Variants in TACC1 observed in about 807,000 individuals in gnomAD.
TACC1 encodes the protein transforming acidic coiled-coil-containing protein 1.
Under a neutral mutation model 84.4 loss-of-function variants are expected in TACC1, and 48 were observed. That is an observed-to-expected ratio of 0.57 (90% confidence interval 0.45 to 0.72). The LOEUF (loss-of-function observed/expected upper bound fraction) is 0.72, where lower values mean the gene tolerates loss of function less well. Among genes scored for constraint, TACC1 ranks in the 30% least tolerant of loss-of-function variants. The probability of loss-of-function intolerance (pLI) is 0.00; values close to 1 mark genes in which losing one functional copy is unlikely to be tolerated. For synonymous variants in TACC1, 372 were observed against 376.3 expected, an observed-to-expected ratio of 0.99 and a Z score of 0.13; for missense variants, 920 against 973.0, an observed-to-expected ratio of 0.95 and a Z score of 0.72.
chr8:38,761,440 A>G (rs1417946613), intron 3 of TACC1, among the ~76,000 whole-genome samples: 2 of 152,212 alleles, frequency 1.3e-5, no homozygotes, highest in African/African-American at 2.4e-5. Flanking sequence ...TGACGTCTTC[A>G]TTGATTTTGC....
intron 5 of TACC1, 25 bp downstream of exon 5, chr8:38,827,400 C>T: frequency 6.2e-7 from 1 of 1,610,304 alleles, no homozygotes; most frequent in South Asian, 1.1e-5. Flanking sequence ...CTTCATCTTT[C>T]TAATGTACAT....
chr8:38,794,968 T>G (rs1819627233), intron 2 of TACC1, among the ~76,000 whole-genome samples: 2 of 152,200 alleles, frequency 1.3e-5, no homozygotes, highest in East Asian at 1.9e-4. Context: ...ACTGTATAAT[T>G]CCATGTTAAG....
At chr8:38,785,614 G>A (rs774965205), upstream of TACC1, 18 of 815,336 alleles carry the variant, frequency 2.2e-5, no homozygotes, top group Non-Finnish European at 2.4e-5. Context: ...AACTATTCAG[G>A]AGGAAGAACA....
Position 38,827,217 on chromosome 8 carries a change from G to A in TACC1, c.1502G>A (p.Gly501Asp). Reference sequence around the variant, plus strand: ...ATTTCAGACATTTCTAATAGGGATGGCCATGCTACTGATGAGGAGAAACTG... The same window carrying A: ...ATTTCAGACATTTCTAATAGGGATGACCATGCTACTGATGAGGAGAAACTG... Reference protein sequence around the residue: ...SQISDISNRDGHATDEEKLAS... With the variant: ...SQISDISNRDDHATDEEKLAS... The change falls in exon 5 of 13, where the codon GGC (glycine) becomes GAC (aspartate). Residue 501 changes from glycine (G) to aspartate (D), a missense_variant. Physicochemically the swap from Gly to Asp is moderately conservative, Grantham distance 94. Around this residue, in one of 2 missense-constraint regions of TACC1, gnomAD observed 762 missense variants for 747.3 expected, o/e 1.02. Transcript: ENST00000317827. The A allele has an allele frequency of 6.2e-7, 1 of 1,614,130 alleles. No homozygotes were observed. The highest frequency in any genetic ancestry group is 8.5e-7 in the Non-Finnish European group (1 of 1,180,032).
chr8:38,762,676 C>A (rs1180362313), intron 3 of TACC1, among the ~76,000 whole-genome samples: 1 of 152,028 alleles, frequency 6.6e-6, no homozygotes, highest in Non-Finnish European at 1.5e-5. Context: ...TCTGCCTCAG[C>A]CTCCCTAGTA....
chr8:38,749,816 G>A (rs555805395), intron 3 of TACC1, among the ~76,000 whole-genome samples: 35 of 151,978 alleles, frequency 2.3e-4, no homozygotes, highest in Admixed American at 2.2e-3. Flanking sequence ...GGTCTCGAAC[G>A]CCTGACCTCA....
Position 38,820,399 on chromosome 8 carries a change from T to G in TACC1, c.1155T>G (p.Asp385Glu). The G allele has an allele frequency of 6.2e-7, 1 of 1,614,076 alleles. No individual in the cohort carries two copies. Among genetic ancestry groups the G allele is most frequent in the Non-Finnish European group, 8.5e-7 (1 of 1,180,010 alleles). ...GPLSQTSSKPDPSQWESPSFN... is the reference protein window; with the variant it reads ...GPLSQTSSKPEPSQWESPSFN... ...TCTCCCAAACATCTTCCAAGCCAGATCCTAGTCAGTGGGAAAGCCCCAGCT... is the reference window on the plus strand; with the variant it reads ...TCTCCCAAACATCTTCCAAGCCAGAGCCTAGTCAGTGGGAAAGCCCCAGCT... Residue 385 changes from aspartate (D) to glutamate (E), a missense_variant, in exon 3 of 13, where the codon GAT becomes GAG. By Grantham distance (45) the Asp-to-Glu change is conservative. This residue lies in a region of TACC1 where 762 missense variants were observed against 747.3 expected (regional missense o/e 1.02). Coordinates refer to ENST00000317827, the MANE Select transcript of TACC1 (RefSeq NM_006283.3).
intron 3 of TACC1, among the ~76,000 whole-genome samples, chr8:38,821,602 A>G (rs1477471468): frequency 1.3e-5 from 2 of 152,218 alleles, no homozygotes; most frequent in Non-Finnish European, 2.9e-5. Flanking sequence ...GGTTTAGTCA[A>G]TCCCCCATCT....
At chr8:38,733,195 A>C (rs886922204) in intron 1 of TACC1, among the ~76,000 whole-genome samples, 1 of 151,822 alleles carries the variant, frequency 6.6e-6, no homozygotes, top group African/African-American at 2.4e-5. Flanking sequence ...TTTTTTCCAG[A>C]GATCTCAGTC....
intron 7 of TACC1, among the ~76,000 whole-genome samples, chr8:38,837,632 G>A (rs1240634763): frequency 6.6e-6 from 1 of 152,104 alleles, no homozygotes; most frequent in Non-Finnish European, 1.5e-5. Context: ...GTTTTTCCTG[G>A]GAGTTAAACT....
At chr8:38,813,523 A>G (rs992286961) in intron 2 of TACC1, among the ~76,000 whole-genome samples, 4 of 152,198 alleles carry the variant, frequency 2.6e-5, no homozygotes, top group Admixed American at 6.5e-5. Flanking sequence ...GTTTCTGTTT[A>G]TCTGTTAATA....
chr8:38,774,363 T>A lies in TACC1; in HGVS notation c.27-14341T>A, dbSNP rs561250031. Reference sequence around the variant, plus strand: ...AGGGCAGGAACTGGGTCTCTTTTGTTCAACACAGTGTTCAGCAGAGGCTGG... The same window carrying A: ...AGGGCAGGAACTGGGTCTCTTTTGTACAACACAGTGTTCAGCAGAGGCTGG... On this transcript the variant is annotated intron_variant, in intron 3 of 14. Coordinates refer to the TACC1 transcript ENST00000518415. 3.9e-5 allele frequency among the ~76,000 whole-genome samples: 6 copies of A among 152,368 alleles called. No homozygotes were observed. In the South Asian group the frequency reaches 1.2e-3, roughly 32 times the overall value.
chr8:38,771,652 A>G (rs892774090), intron 3 of TACC1, among the ~76,000 whole-genome samples: 2 of 152,228 alleles, frequency 1.3e-5, no homozygotes, highest in South Asian at 4.1e-4. Flanking sequence ...GCCTTCTTAT[A>G]ACACAGATGG....
intron 4 of TACC1, among the ~76,000 whole-genome samples, chr8:38,826,370 A>G (rs1273239811): frequency 6.6e-6 from 1 of 152,230 alleles, no homozygotes; most frequent in East Asian, 1.9e-4. Context: ...AGTGCACTGT[A>G]AAAGTTTTTA....
chr8:38,779,208 C>T (rs1343322563), intron 3 of TACC1, among the ~76,000 whole-genome samples: 1 of 152,142 alleles, frequency 6.6e-6, no homozygotes, highest in Non-Finnish European at 1.5e-5. Flanking sequence ...GTCCTGGGCT[C>T]AAGTTATCCT....
chr8:38,731,767 C>A (rs112758430), intron 1 of TACC1, among the ~76,000 whole-genome samples: 2 of 151,364 alleles, frequency 1.3e-5, no homozygotes, highest in South Asian at 2.1e-4. Flanking sequence ...ACAACAACAA[C>A]AAAACTAGTC....
chr8:38,766,299 A>G (rs1812238332), intron 3 of TACC1, among the ~76,000 whole-genome samples: 1 of 152,216 alleles, frequency 6.6e-6, no homozygotes, highest in Non-Finnish European at 1.5e-5. Flanking sequence ...ATCTTTATCA[A>G]TCTTATATGT....
chr8:38,750,264 CT>C (rs1808792177), intron 3 of TACC1, among the ~76,000 whole-genome samples: 1 of 152,160 alleles, frequency 6.6e-6, no homozygotes, highest in African/African-American at 2.4e-5. Flanking sequence ...AATTCAACTC[CT>C]TTTTATCATT....
upstream of TACC1, among the ~76,000 whole-genome samples, chr8:38,786,112 C>T (rs1409596453): frequency 1.3e-5 from 2 of 152,176 alleles, no homozygotes; most frequent in Non-Finnish European, 2.9e-5. Flanking sequence ...TGGGAACCTG[C>T]AGGCACCTCA....
Sources: allele counts gnomAD v4.1 joint callset (sites outside exome capture counted in the v4.1 genomes callset), GRCh38; gene constraint gnomAD v4.1.1; regional missense constraint gnomAD v4.1.1; transcripts MANE v1.5; gene names NCBI Gene and HGNC (gene_info 2026-07-23, HGNC 2026-07-21).